The following ENPP3 variants were observed in gnomAD, a reference collection of about 807,000 sequenced individuals.
ENPP3 encodes ectonucleotide pyrophosphatase/phosphodiesterase 3, also known as ectonucleotide pyrophosphatase/phosphodiesterase family member 3.
Under a neutral mutation model 117.8 loss-of-function variants are expected in ENPP3, and 104 were observed. That is an observed-to-expected ratio of 0.88 (90% confidence interval 0.75 to 1.04). The LOEUF is 1.04. Ranked by LOEUF, ENPP3 falls within the 50% of genes least tolerant of loss-of-function variation. The pLI is 0.00. For missense variants in ENPP3, 1,026 were observed against 1,051.9 expected, an observed-to-expected ratio of 0.98 and a Z score of 0.34; for synonymous variants, 380 against 349.9, an observed-to-expected ratio of 1.09 and a Z score of -0.96.
In ENPP3 at chr6:131,678,948, T is replaced by C; in HGVS notation, c.1011+1008T>C. ...TTCTTTCTTTCTTTCTTTCTTTCTTTCTTTCTTTCTTTCCTTCCTTCCTTC... is the reference window on the plus strand; with the variant it reads ...TTCTTTCTTTCTTTCTTTCTTTCTTCCTTTCTTTCTTTCCTTCCTTCCTTC... On this transcript the variant is annotated intron_variant, in intron 11 of 24. Transcript: ENST00000357639. Among the ~76,000 whole-genome samples, 4 of 101,378 alleles carry C rather than the reference T, an allele frequency of 3.9e-5. 1 individual carries two copies. Among genetic ancestry groups the C allele is most frequent in the African/African-American group, 2.7e-4 (4 of 15,058 alleles). 66.5% of individuals were successfully genotyped at this position (101,378 alleles called of 152,430 possible).
At position 131,743,186 on chromosome 6, in the gene ENPP3, A is replaced by T. The variant is rs577511364; in HGVS notation, c.2457+2806A>T. Among the ~76,000 whole-genome samples the T allele has an allele frequency of 9.9e-5, 15 of 152,184 alleles. 1 individual carries two copies. In the East Asian group the frequency reaches 2.9e-3, roughly 29 times the overall value. The stretch of plus-strand genomic sequence containing the variant: ...AATCCAGGGCATGACTGACCAGGAA[A>T]TGTATACGATAGATTATCTTTTGTT... On this transcript the variant is annotated intron_variant, in intron 24 of 24. Transcript: ENST00000357639.
Position 131,739,593 on chromosome 6 carries a change from CTT to C in ENPP3, c.2301-608_2301-607del, listed in dbSNP as rs71270397. 1.0e-2 allele frequency among the ~76,000 whole-genome samples: 872 copies of C among 87,374 alleles called. 2 individuals carry two copies. The highest frequency in any genetic ancestry group is 0.013 in the Non-Finnish European group (573 of 45,426). The allele number at this position is 87,374 out of a possible 152,430, so 57.3% of individuals were successfully genotyped here. Reference sequence around the variant, plus strand: ...GCAGGAGGCAGAATATCATGCTCTGCTTTTTTTTTTTTTTTTTTTTTTTTGTA... The same window carrying C: ...GCAGGAGGCAGAATATCATGCTCTGCTTTTTTTTTTTTTTTTTTTTTTGTA... On this transcript the variant is annotated intron_variant, in intron 23 of 24. Transcript: ENST00000357639.
chr6:131,645,664 T>C (rs1778139346), intron 2 of ENPP3, among the ~76,000 whole-genome samples: 1 of 152,226 alleles, frequency 6.6e-6, no homozygotes, highest in African/African-American at 2.4e-5. Flanking sequence ...CTTGACAGTT[T>C]GGCTAGGTGT....
chr6:131,680,567 C>T (rs1400507906), intron 11 of ENPP3, among the ~76,000 whole-genome samples: 1 of 150,322 alleles, frequency 6.7e-6, no homozygotes, highest in African/African-American at 2.5e-5. Flanking sequence ...TTAGGACCAA[C>T]TGTCACTTAA....
intron 24 of ENPP3, among the ~76,000 whole-genome samples, chr6:131,745,718 T>C (rs1780622442): frequency 6.6e-6 from 1 of 152,200 alleles, no homozygotes; most frequent in South Asian, 2.1e-4. Context: ...CACCCACGGT[T>C]TGGCAAAGAT....
At chr6:131,654,109 T>TTTATTATTATTA (rs35379106) in intron 5 of ENPP3, among the ~76,000 whole-genome samples, 39 of 143,300 alleles carry the variant, frequency 2.7e-4, no homozygotes, top group East Asian at 6.2e-4. Context: ...AAATTTAAGT[T>TTTATTATTATTA]TTATTATTAT....
chr6:131,691,677 C>T (rs1223117572), intron 14 of ENPP3, among the ~76,000 whole-genome samples: 1 of 151,878 alleles, frequency 6.6e-6, no homozygotes, highest in Non-Finnish European at 1.5e-5. Context: ...TGCAAAGAAT[C>T]ACCGGTACTT....
At chr6:131,714,266 CCTTTTTT>C (rs1321768818) in intron 15 of ENPP3, among the ~76,000 whole-genome samples, 22 of 124,808 alleles carry the variant, frequency 1.8e-4, no homozygotes, top group African/African-American at 6.2e-4. Flanking sequence ...TTACTACTTT[CCTTTTTT>C]CTTTTAATAG....
At position 131,639,270 on chromosome 6, in the gene ENPP3, T is replaced by TTTC. The variant is rs1471495291; in HGVS notation, c.78+1810_78+1811insCTT. Among the ~76,000 whole-genome samples, 3 of 138,856 alleles carry TTTC rather than the reference T, an allele frequency of 2.2e-5. No individual in the cohort carries two copies. The East Asian group carries it at 6.9e-4, about 32-fold the overall frequency. 91.1% of individuals were successfully genotyped at this position (138,856 alleles called of 152,430 possible). On this transcript the variant is annotated intron_variant, in intron 1 of 24. Coordinates refer to ENST00000357639, the MANE Select transcript of ENPP3 (RefSeq NM_005021.5). Reference sequence around the variant, plus strand: ...TAATATATATATATATATATATTTTTTTTTTTTTCTCTCTCTCTTTTTTTT... The same window carrying TTTC: ...TAATATATATATATATATATATTTTTTTCTTTTTTTTCTCTCTCTCTTTTTTTT...
chr6:131,732,709 A>C (rs1038018944), intron 20 of ENPP3, among the ~76,000 whole-genome samples: 1 of 108,336 alleles, frequency 9.2e-6, no homozygotes, highest in Non-Finnish European at 1.9e-5. Context: ...CTGGCCTAAG[A>C]CATTATTATT....
intron 15 of ENPP3, among the ~76,000 whole-genome samples, chr6:131,698,251 C>T (rs1438402417): frequency 6.6e-6 from 1 of 150,554 alleles, no homozygotes; most frequent in Non-Finnish European, 1.5e-5. Context: ...GGTGCAAATC[C>T]ACTGTTGAAA....
chr6:131,745,550 TAAAG>T (rs1461019374), intron 24 of ENPP3, among the ~76,000 whole-genome samples: 1 of 152,036 alleles, frequency 6.6e-6, no homozygotes, highest in African/African-American at 2.4e-5. Context: ...TAATAAAGAA[TAAAG>T]AATGTCATAG....
At chr6:131,721,644 C>T (rs1050290970) in intron 17 of ENPP3, among the ~76,000 whole-genome samples, 16 of 150,088 alleles carry the variant, frequency 1.1e-4, no homozygotes, top group Non-Finnish European at 2.1e-4. Context: ...TGAAGAAAAG[C>T]TCTCCTAATA....
At chr6:131,709,501 G>A (rs1431150118) in intron 15 of ENPP3, 2 of 1,613,318 alleles carry the variant, frequency 1.2e-6, no homozygotes, top group Non-Finnish European at 1.7e-6. Context: ...AACATCGAGT[G>A]CATTAGGATC....
At chr6:131,681,583 TAAAGTGTAGA>T (rs1779024920) in intron 11 of ENPP3, among the ~76,000 whole-genome samples, 1 of 152,000 alleles carries the variant, frequency 6.6e-6, no homozygotes, top group African/African-American at 2.4e-5. Context: ...ATTATATTCA[TAAAGTGTAGA>T]AAATTAAAAA....
At position 131,726,879 on chromosome 6, in the gene ENPP3, A is replaced by G. The variant is rs151226369; in HGVS notation, c.1953+679A>G. On this transcript the variant is annotated intron_variant, in intron 20 of 24. Coordinates refer to ENST00000357639, the MANE Select transcript of ENPP3 (RefSeq NM_005021.5). ...ATCCCTACCTCACACCACACACAAA[A>G]TTAAATTTCTGGTGGATTTGTAGAC... Among the ~76,000 whole-genome samples, 670 of 152,346 alleles carry G rather than the reference A, an allele frequency of 4.4e-3. 14 individuals are homozygous for G. The Middle Eastern group carries it at 0.058, about 13-fold the overall frequency.
chr6:131,678,052 A>C (rs1156789265), intron 11 of ENPP3, 112 bp downstream of exon 11: 1 of 598,726 alleles, frequency 1.7e-6, no homozygotes, highest in African/African-American at 1.9e-5. Flanking sequence ...TATTTGATAC[A>C]TACACAAGAA....
chr6:131,643,943 C>CTGTG (rs60828787), intron 2 of ENPP3, among the ~76,000 whole-genome samples: 3,862 of 143,050 alleles, frequency 0.027, 147 homozygotes, highest in African/African-American at 0.088. Context: ...GTGTGTGTGT[C>CTGTG]TGTGTGTGTG....
chr6:131,637,512 A>G, intron 1 of ENPP3, 50 bp downstream of exon 1: 1 of 1,061,742 alleles, frequency 9.4e-7, no homozygotes, highest in Non-Finnish European at 1.4e-6. Context: ...ACAAATGTTA[A>G]AAGTATATGA....
Sources: gnomAD v4.1 joint callset for allele counts (sites outside exome capture counted in the v4.1 genomes callset) on GRCh38, gnomAD v4.1.1 for gene constraint, MANE v1.5 for transcripts, NCBI Gene and HGNC (gene_info 2026-07-23, HGNC 2026-07-21) for gene names.